Variants in IQCB1 observed in about 807,000 individuals in gnomAD.
IQCB1 encodes the protein IQ calmodulin-binding motif-containing protein 1.
In IQCB1, 56 loss-of-function variants were observed where a neutral mutation model predicts 84.4. That is an observed-to-expected ratio of 0.66 (90% CI 0.54 to 0.83). The LOEUF (loss-of-function observed/expected upper bound fraction) is 0.83. Ranked by LOEUF, IQCB1 falls within the 40% of genes least tolerant of loss-of-function variation. The pLI is 0.00. For missense variants in IQCB1, 629 were observed against 682.1 expected, an observed-to-expected ratio of 0.92 and a Z score of 0.87; for synonymous variants, 210 against 234.8, an observed-to-expected ratio of 0.89 and a Z score of 0.96.
chr3:121,772,465 G>A (rs184799126), intron 14 of IQCB1, 92 bp downstream of exon 14: 15 of 1,268,946 alleles, frequency 1.2e-5, no homozygotes, highest in Non-Finnish European at 1.6e-5. Context: ...AGCTAAAGAT[G>A]CTTAGTAATG....
chr3:121,780,317 T>A (rs954817569), intron 13 of IQCB1, among the ~76,000 whole-genome samples: 20 of 152,234 alleles, frequency 1.3e-4, no homozygotes, highest in African/African-American at 4.8e-4. Flanking sequence ...TGTTGTCTGA[T>A]GTCCAGGGTC....
In IQCB1 at chr3:121,824,847, C is replaced by T. The variant is rs139253609; in HGVS notation, c.393+1204G>A. Among the ~76,000 whole-genome samples, 10 of 152,146 alleles carry T rather than the reference C, an allele frequency of 6.6e-5. No individual in the cohort carries two copies. The East Asian group carries it at 1.9e-3, about 29-fold the overall frequency. ...GAAAAAAAAAAGAGAATTTAGAAGA[C>T]TTCAACAACTCTACTAACCAAATTG... is the stretch of plus-strand genomic sequence containing the variant. On this transcript the variant is annotated intron_variant, in intron 5 of 14. Coordinates refer to ENST00000310864, the MANE Select transcript of IQCB1 (RefSeq NM_001023570.4).
intron 7 of IQCB1, among the ~76,000 whole-genome samples, chr3:121,800,300 C>T (rs1016660186): frequency 6.6e-6 from 1 of 151,770 alleles, no homozygotes; most frequent in Non-Finnish European, 1.5e-5. Context: ...TATTTGTTCC[C>T]TCATTAATGA....
intron 12 of IQCB1, among the ~76,000 whole-genome samples, chr3:121,786,840 T>C (rs114628620): frequency 4.6e-5 from 7 of 152,312 alleles, no homozygotes; most frequent in African/African-American, 7.2e-5. Flanking sequence ...TTACAAAGTA[T>C]TGGGGTCATC....
chr3:121,833,123 A>G (rs1950707158), intron 2 of IQCB1, among the ~76,000 whole-genome samples: 1 of 152,260 alleles, frequency 6.6e-6, no homozygotes, highest in African/African-American at 2.4e-5. Flanking sequence ...AGAGATGATT[A>G]AATGAGTTAA....
intron 5 of IQCB1, among the ~76,000 whole-genome samples, chr3:121,819,637 AATT>A (rs1950205587): frequency 1.3e-5 from 2 of 152,200 alleles, no homozygotes; most frequent in African/African-American, 4.8e-5. Flanking sequence ...AATGATTAAT[AATT>A]ATGCTTTTTC....
chr3:121,829,029 C>G (rs1462167952), intron 2 of IQCB1, 57 bp from the exon 3 acceptor site: 1 of 889,488 alleles, frequency 1.1e-6, no homozygotes, highest in African/African-American at 1.7e-5. Flanking sequence ...TGTTCACTAC[C>G]TAAATAATGT....
At chr3:121,825,579 C>T (rs1950438642) in intron 5 of IQCB1, among the ~76,000 whole-genome samples, 1 of 151,994 alleles carries the variant, frequency 6.6e-6, no homozygotes, top group Non-Finnish European at 1.5e-5. Context: ...AAAAAAAGAG[C>T]ACATGTATAG....
chr3:121,826,676 T>C (rs1198952348), intron 4 of IQCB1, among the ~76,000 whole-genome samples: 1 of 152,200 alleles, frequency 6.6e-6, no homozygotes, highest in Admixed American at 6.5e-5. Context: ...AATACTCATT[T>C]GCATATTCCT....
chr3:121,799,510 T>C (rs1455754778), intron 7 of IQCB1, 136 bp from the exon 8 acceptor site: 4 of 623,124 alleles, frequency 6.4e-6, no homozygotes, highest in South Asian at 3.9e-5. Flanking sequence ...TTTTCAAATA[T>C]ATGTTGGTTC....
At chr3:121,788,917 G>T (rs1948846852) in intron 11 of IQCB1, among the ~76,000 whole-genome samples, 1 of 152,104 alleles carries the variant, frequency 6.6e-6, no homozygotes. Flanking sequence ...ACAGAATAAG[G>T]CAGTAGAATT....
At chr3:121,803,909 T>C (rs1949508607) in intron 7 of IQCB1, among the ~76,000 whole-genome samples, 1 of 152,166 alleles carries the variant, frequency 6.6e-6, no homozygotes, top group Non-Finnish European at 1.5e-5. Flanking sequence ...CAATCTGTCT[T>C]TTAACTTTAG....
chr3:121,791,824 T>C (rs6438664), intron 10 of IQCB1, among the ~76,000 whole-genome samples: 97,965 of 152,002 alleles, frequency 0.64, 32,015 homozygotes, highest in African/African-American at 0.72. Context: ...GGCGCGGTGG[T>C]TCACGCCTGT....
intron 10 of IQCB1, among the ~76,000 whole-genome samples, chr3:121,794,835 T>C (rs1319336007): frequency 1.3e-5 from 2 of 152,128 alleles, no homozygotes; most frequent in Non-Finnish European, 2.9e-5. Flanking sequence ...TTTAGCAAAC[T>C]AAAGCTTGGC....
intron 13 of IQCB1, among the ~76,000 whole-genome samples, chr3:121,773,746 G>A (rs1211157421): frequency 3.3e-5 from 5 of 151,990 alleles, no homozygotes; most frequent in Admixed American, 3.3e-4. Context: ...ACTACATATA[G>A]TGTATTAGAA....
chr3:121,801,610 T>C (rs2108576677), intron 7 of IQCB1, among the ~76,000 whole-genome samples: 1 of 152,146 alleles, frequency 6.6e-6, no homozygotes, highest in Non-Finnish European at 1.5e-5. Flanking sequence ...AAACTGCATA[T>C]ATGTAAAGCA....
intron 12 of IQCB1, among the ~76,000 whole-genome samples, chr3:121,783,872 T>C (rs963960809): frequency 3.9e-5 from 6 of 152,188 alleles, no homozygotes; most frequent in African/African-American, 1.4e-4. Flanking sequence ...AATTAATAAT[T>C]TGGTTGGGTA....
intron 8 of IQCB1, 28 bp from the exon 9 acceptor site, chr3:121,797,255 T>A: frequency 1.0e-6 from 1 of 977,728 alleles, no homozygotes; most frequent in Non-Finnish European, 1.6e-6. Context: ...AAGGTACAAC[T>A]ATTATTATAA....
At chr3:121,801,683 C>A (rs1949412467) in intron 7 of IQCB1, among the ~76,000 whole-genome samples, 2 of 152,032 alleles carry the variant, frequency 1.3e-5, no homozygotes, top group South Asian at 2.1e-4. Context: ...ATATCTATCA[C>A]CCCTAAAAGC....
Sources: allele counts gnomAD v4.1 joint callset (sites outside exome capture counted in the v4.1 genomes callset), GRCh38; gene constraint gnomAD v4.1.1; transcripts MANE v1.5; gene names NCBI Gene and HGNC (gene_info 2026-07-23, HGNC 2026-07-21).